The following MDFIC2 variants were observed in gnomAD, a reference collection of about 807,000 sequenced individuals.
MDFIC2 encodes the protein MyoD family inhibitor domain containing 2.
At chr3:70,302,583 T>C (rs1173802586) in intron 2 of MDFIC2, 1 of 152,172 alleles carries the variant, frequency 6.6e-6, no homozygotes, top group Non-Finnish European at 1.5e-5. Context: ...TTTCTTGAAA[T>C]TTCTAGTTAT....
At position 70,209,760 on chromosome 3, in the gene MDFIC2, C is replaced by G. The variant is rs4527342; in HGVS notation, c.89-2970G>C. Among the ~76,000 whole-genome samples, 833 of 152,202 alleles carry G rather than the reference C, an allele frequency of 5.5e-3. 6 individuals carry two copies. Among genetic ancestry groups the G allele is most frequent in the African/African-American group, 0.019 (780 of 41,542 alleles). On this transcript the variant is annotated intron_variant, in intron 2 of 3. Coordinates refer to ENST00000567252, the MANE Select transcript of MDFIC2 (RefSeq NM_001364677.1). ...TGCTGAGACTGCACATCAGCAAAAC[C>G]TCCTCACCCTAAATACTGTGATGTG...
chr3:70,213,014 G>T (rs1701366030), intron 2 of MDFIC2, among the ~76,000 whole-genome samples: 2 of 151,992 alleles, frequency 1.3e-5, no homozygotes, highest in Non-Finnish European at 2.9e-5. Flanking sequence ...TCACCATGCT[G>T]CCTGGGCTGG....
chr3:70,202,574 G>A (rs538576164), intron 3 of MDFIC2, among the ~76,000 whole-genome samples: 2 of 152,214 alleles, frequency 1.3e-5, no homozygotes, highest in South Asian at 2.1e-4. Context: ...TGCTATTGAA[G>A]TGCCCACCTG....
intron 2 of MDFIC2, among the ~76,000 whole-genome samples, chr3:70,302,880 C>G (rs1702364379): frequency 6.6e-6 from 1 of 152,084 alleles, no homozygotes; most frequent in Admixed American, 6.6e-5. Flanking sequence ...ATGAAATGAA[C>G]TTAGTACTTC....
chr3:70,234,596 T>C (rs1701590244), intron 2 of MDFIC2, among the ~76,000 whole-genome samples: 1 of 151,156 alleles, frequency 6.6e-6, no homozygotes, highest in African/African-American at 2.4e-5. Flanking sequence ...GCCATGACTA[T>C]GCCACTGTAC....
At chr3:70,257,116 G>A (rs980255965) in intron 2 of MDFIC2, among the ~76,000 whole-genome samples, 2 of 152,160 alleles carry the variant, frequency 1.3e-5, no homozygotes, top group Non-Finnish European at 2.9e-5. Flanking sequence ...TAAAGCCAGC[G>A]CTACTTTTCT....
chr3:70,230,649 C>A (rs150911991), intron 2 of MDFIC2, among the ~76,000 whole-genome samples: 1 of 152,122 alleles, frequency 6.6e-6, no homozygotes, highest in East Asian at 1.9e-4. Context: ...AGTTGAGCTG[C>A]AATGACAGCA....
chr3:70,200,443 T>C (rs959251624), intron 3 of MDFIC2, among the ~76,000 whole-genome samples: 1 of 152,198 alleles, frequency 6.6e-6, no homozygotes, highest in Non-Finnish European at 1.5e-5. Context: ...TTGCAGTATT[T>C]GGAATGCACA....
chr3:70,267,639 ACCT>A (rs1701932062), intron 2 of MDFIC2, among the ~76,000 whole-genome samples: 1 of 135,178 alleles, frequency 7.4e-6, no homozygotes, highest in African/African-American at 2.8e-5. Flanking sequence ...AATGGTCTTG[ACCT>A]CCTGACCTCG....
chr3:70,236,886 T>C (rs1458571381), intron 2 of MDFIC2, among the ~76,000 whole-genome samples: 1 of 152,224 alleles, frequency 6.6e-6, no homozygotes, highest in East Asian at 1.9e-4. Flanking sequence ...TAACAGCCAC[T>C]GCGCCTAGCA....
At chr3:70,261,996 T>C (rs1186955831) in intron 2 of MDFIC2, among the ~76,000 whole-genome samples, 1 of 152,134 alleles carries the variant, frequency 6.6e-6, no homozygotes, top group Non-Finnish European at 1.5e-5. Context: ...TCCTTACCCA[T>C]AAGAGTTTGA....
At chr3:70,239,202 C>T (rs935199345) in intron 2 of MDFIC2, among the ~76,000 whole-genome samples, 2 of 152,160 alleles carry the variant, frequency 1.3e-5, no homozygotes, top group African/African-American at 4.8e-5. Context: ...AGTACGTACT[C>T]AGTTCAACTA....
intron 2 of MDFIC2, among the ~76,000 whole-genome samples, chr3:70,220,467 T>G (rs1701452617): frequency 6.6e-6 from 1 of 152,072 alleles, no homozygotes; most frequent in East Asian, 1.9e-4. Context: ...CAAGTTATAT[T>G]TTTGCTGACT....
intron 2 of MDFIC2, among the ~76,000 whole-genome samples, chr3:70,295,704 A>G (rs1404013021): frequency 6.6e-6 from 1 of 152,004 alleles, no homozygotes; most frequent in African/African-American, 2.4e-5. Context: ...AAATAAATAA[A>G]CAAATAAATA....
intron 2 of MDFIC2, among the ~76,000 whole-genome samples, chr3:70,267,064 A>G (rs1030615622): frequency 2.6e-5 from 4 of 152,144 alleles, no homozygotes; most frequent in African/African-American, 4.8e-5. Flanking sequence ...TGTCGTGCCA[A>G]TGAATGAAGT....
chr3:70,298,074 C>T (rs1178403428), intron 2 of MDFIC2, among the ~76,000 whole-genome samples: 5 of 151,998 alleles, frequency 3.3e-5, no homozygotes, highest in Admixed American at 3.3e-4. Context: ...TATGAAAAAA[C>T]AGGGCTGTGT....
In MDFIC2 at chr3:70,299,759, A is replaced by G. The variant is rs140043612; in HGVS notation, c.88+12127T>C. 4.6e-5 allele frequency among the ~76,000 whole-genome samples: 7 copies of G among 152,194 alleles called. No homozygotes were observed. In the East Asian group the frequency reaches 1.4e-3, roughly 29 times the overall value. On this transcript the variant is annotated intron_variant, in intron 2 of 3. Transcript: ENST00000567252. ...TATCCTCAACTCACAAATCTTTTCT[A>G]AAGCACAGAGCTGATTCTGTTATCT...
chr3:70,298,077 G>C (rs1702306677), intron 2 of MDFIC2, among the ~76,000 whole-genome samples: 2 of 151,956 alleles, frequency 1.3e-5, no homozygotes, highest in South Asian at 2.1e-4. Context: ...GAAAAAACAG[G>C]GCTGTGTATA....
intron 2 of MDFIC2, among the ~76,000 whole-genome samples, chr3:70,212,616 TG>T (rs1424619001): frequency 6.6e-6 from 1 of 152,140 alleles, no homozygotes; most frequent in Non-Finnish European, 1.5e-5. Flanking sequence ...CAGCAGTCAT[TG>T]GCTCTGAATA....
Sources: allele counts gnomAD v4.1 joint callset (sites outside exome capture counted in the v4.1 genomes callset), GRCh38; gene constraint gnomAD v4.1.1; transcripts MANE v1.5; gene names NCBI Gene and HGNC (gene_info 2026-07-23, HGNC 2026-07-21).